Variants in TPCN1 observed in about 807,000 individuals in gnomAD.
TPCN1 encodes two pore segment channel 1.
A neutral mutation model predicts 108.8 loss-of-function variants in TPCN1; 52 were observed. The ratio of observed to expected loss-of-function variants is 0.48; its 90% CI spans 0.38 to 0.60. The LOEUF (loss-of-function observed/expected upper bound fraction) is 0.60. Among genes scored for constraint, TPCN1 ranks in the 20% least tolerant of loss-of-function variants. The pLI, the probability that TPCN1 is intolerant of heterozygous loss-of-function variation, is 0.00. For missense variants in TPCN1, 806 were observed against 1,072.8 expected (o/e 0.75, Z 3.47); for synonymous variants, 446 against 433.7 (o/e 1.03, Z -0.35).
chr12:113,253,126 G>T (rs1954710601), intron 2 of TPCN1, among the ~76,000 whole-genome samples: 1 of 152,152 alleles, frequency 6.6e-6, no homozygotes, highest in Non-Finnish European at 1.5e-5. Flanking sequence ...ACCCGGGGAG[G>T]TTACTTAGCT....
chr12:113,272,861 C>T lies in TPCN1; in HGVS notation c.783+169C>T, dbSNP rs530875421. On this transcript the variant is annotated intron_variant, in intron 8 of 27. Transcript: ENST00000335509. This position sits in a 1 kb window ranked among gnomAD's most constrained non-coding sequence, Gnocchi z 4.1. ...GGAGTTCCCATCACTCAGACTTGAC[C>T]ACTTTCTTCCTTGAGAGCTGGGGAT... 4.6e-5 allele frequency among the ~76,000 whole-genome samples: 7 copies of T among 152,250 alleles called. No individual in the cohort carries two copies. The East Asian group carries it at 1.4e-3, about 29-fold the overall frequency.
chr12:113,227,608 C>T (rs1953521318), intron 2 of TPCN1, among the ~76,000 whole-genome samples: 1 of 152,298 alleles, frequency 6.6e-6, no homozygotes, highest in Non-Finnish European at 1.5e-5. Flanking sequence ...TTCTGGTTCT[C>T]ATCCCGAAGC....
At chr12:113,222,115 C>G (rs1566126254) in intron 1 of TPCN1, among the ~76,000 whole-genome samples, 2 of 152,158 alleles carry the variant, frequency 1.3e-5, no homozygotes, top group Non-Finnish European at 2.9e-5. Flanking sequence ...ACGCAGGAGT[C>G]CCGGGTTCTA....
Position 113,264,782 on chromosome 12 carries a change from G to A in TPCN1, c.238-1398G>A, listed in dbSNP as rs540615750. On this transcript the variant is annotated intron_variant, in intron 3 of 27. Transcript: ENST00000335509. ...TATTTGTCAATTAAAACAAAGTAGGGTATGGGGAATCCTGAATTAAGTAAA... is the reference window on the plus strand; with the variant it reads ...TATTTGTCAATTAAAACAAAGTAGGATATGGGGAATCCTGAATTAAGTAAA... Among the ~76,000 whole-genome samples the A allele has an allele frequency of 1.1e-4, 17 of 152,242 alleles. No individual in the cohort carries two copies. In the South Asian group the frequency reaches 1.5e-3, roughly 13 times the overall value.
chr12:113,284,650 C>G lies in TPCN1; in HGVS notation c.1399+13C>G. The G allele has an allele frequency of 6.2e-7, 1 of 1,614,242 alleles. No homozygotes were observed. Among genetic ancestry groups the G allele is most frequent in the Non-Finnish European group, 8.5e-7 (1 of 1,180,050 alleles). On this transcript the variant is annotated intron_variant, in intron 16 of 27. Transcript: ENST00000335509. The surrounding 1 kb of genome is among the most constrained non-coding windows in gnomAD (Gnocchi z 4.1). The stretch of plus-strand genomic sequence containing the variant: ...TTTATGCTGAAAGGTGAGCCCCGCT[C>G]AGGGACTGGCCGTGTCCTGGCCGGC...
Position 113,298,429 on chromosome 12 carries a change from C to G in TPCN1, c.*2353C>G, listed in dbSNP as rs1266887133. On this transcript the variant is annotated 3_prime_UTR_variant, in exon 28 of 28. Coordinates refer to ENST00000335509, the MANE Select transcript of TPCN1 (RefSeq NM_017901.6). Reference sequence around the variant, plus strand: ...CCTCCTCAGCTCCTCGCTTCCCCTCCCACAGCCCCAGCCTTACTCCACCAT... The same window carrying G: ...CCTCCTCAGCTCCTCGCTTCCCCTCGCACAGCCCCAGCCTTACTCCACCAT... The G allele has an allele frequency of 6.6e-6, 1 of 152,400 alleles. No homozygotes were observed. Among genetic ancestry groups the G allele is most frequent in the Non-Finnish European group, 1.5e-5 (1 of 68,144 alleles). 9.4% of individuals were successfully genotyped at this position (152,400 alleles called of 1,614,324 possible).
At chr12:113,245,614 A>G (rs866634738) in intron 2 of TPCN1, among the ~76,000 whole-genome samples, 4 of 151,096 alleles carry the variant, frequency 2.6e-5, no homozygotes, top group Admixed American at 6.6e-5. Flanking sequence ...AAAAAAAAAA[A>G]AAAAAAAGAA....
intron 15 of TPCN1, among the ~76,000 whole-genome samples, chr12:113,281,815 G>A (rs545027832): frequency 2.9e-4 from 44 of 151,726 alleles, no homozygotes; most frequent in African/African-American, 9.9e-4. Flanking sequence ...CTGGGAGTAC[G>A]GGTGTGAGCC....
intron 2 of TPCN1, among the ~76,000 whole-genome samples, chr12:113,230,283 CTTTTTTTTTTTT>C (rs71086152): frequency 1.8e-5 from 2 of 108,942 alleles, no homozygotes; most frequent in Non-Finnish European, 3.7e-5. Context: ...ATCCATTCAT[CTTTTTTTTTTTT>C]TTTTTTTTTT....
At chr12:113,262,655 AAC>A (rs1955086228) in intron 3 of TPCN1, among the ~76,000 whole-genome samples, 1 of 152,320 alleles carries the variant, frequency 6.6e-6, no homozygotes, top group Admixed American at 6.5e-5. Flanking sequence ...GATAGGTCAG[AAC>A]ACAGACTCAG....
At chr12:113,286,839 G>A in intron 18 of TPCN1, 148 bp from the exon 19 acceptor site, 1 of 651,986 alleles carries the variant, frequency 1.5e-6, no homozygotes, top group Non-Finnish European at 2.7e-6. Flanking sequence ...CAGGGTGGCA[G>A]GAAGTTCTTC....
At chr12:113,244,840 T>C (rs1954291034) in intron 2 of TPCN1, 2 of 886,990 alleles carry the variant, frequency 2.3e-6, no homozygotes, top group Non-Finnish European at 1.4e-6. Context: ...ATTAAGATCG[T>C]GAACTGTGGG....
Position 113,272,530 on chromosome 12 carries a change from C to T in TPCN1, c.749-128C>T. ...CATGTGTTCTCAGGGTGCTGTGGTC[C>T]CCAGCAGTCCCTGCTGCTCTTCCTG... is the stretch of plus-strand genomic sequence containing the variant. On this transcript the variant is annotated intron_variant, in intron 7 of 27. Transcript: ENST00000335509. The surrounding 1 kb of genome is among the most constrained non-coding windows in gnomAD (Gnocchi z 4.1). 1.2e-6 allele frequency: 1 copy of T among 861,620 alleles called. No homozygotes were observed. Among genetic ancestry groups the T allele is most frequent in the Admixed American group, 1.8e-5 (1 of 57,030 alleles). The allele number at this position is 861,620 out of a possible 1,614,324, so 53.4% of individuals were successfully genotyped here.
intron 23 of TPCN1, chr12:113,291,408 C>G: frequency 1.6e-6 from 1 of 609,844 alleles, no homozygotes; most frequent in East Asian, 2.7e-5. Context: ...ATCCAGTCGT[C>G]CAGGGGAGTG....
chr12:113,224,507 C>T (rs1028562331), intron 1 of TPCN1, among the ~76,000 whole-genome samples: 2 of 151,864 alleles, frequency 1.3e-5, no homozygotes, highest in Non-Finnish European at 2.9e-5. Context: ...CGCCTTTCTC[C>T]TGCCTCAACC....
chr12:113,227,397 C>T (rs1426295769), intron 2 of TPCN1, among the ~76,000 whole-genome samples: 2 of 152,198 alleles, frequency 1.3e-5, no homozygotes, highest in African/African-American at 2.4e-5. Context: ...TCTCTTTGCT[C>T]CATCTCAGTC....
chr12:113,264,786 G>A (rs1288526493), intron 3 of TPCN1, among the ~76,000 whole-genome samples: 3 of 152,144 alleles, frequency 2.0e-5, no homozygotes, highest in African/African-American at 7.2e-5. Context: ...AGTAGGGTAT[G>A]GGGAATCCTG....
chr12:113,286,896 G>A, intron 18 of TPCN1, 91 bp from the exon 19 acceptor site: 1 of 853,908 alleles, frequency 1.2e-6, no homozygotes. Flanking sequence ...TGGGCTCTGT[G>A]GGAGGGTGGC....
intron 22 of TPCN1, among the ~76,000 whole-genome samples, 165 bp from the exon 23 acceptor site, chr12:113,290,787 T>C (rs546710774): frequency 1.3e-5 from 2 of 152,308 alleles, no homozygotes; most frequent in South Asian, 4.1e-4. Flanking sequence ...GCCAGCGCCC[T>C]AGGAGTGCCT....
Sources: gnomAD v4.1 joint callset for allele counts (sites outside exome capture counted in the v4.1 genomes callset) on GRCh38, gnomAD v4.1.1 for gene constraint, Gnocchi (gnomAD v3.1) non-coding constraint, MANE v1.5 for transcripts, NCBI Gene and HGNC (gene_info 2026-07-23, HGNC 2026-07-21) for gene names.